The following ATL1 variants were observed in gnomAD, a reference collection of about 807,000 sequenced individuals.
ATL1 encodes the protein atlastin-1.
A neutral mutation model predicts 75.5 loss-of-function variants in ATL1; 31 were observed. The observed-to-expected ratio is 0.41, with a 90% CI of 0.31 to 0.55. The LOEUF (loss-of-function observed/expected upper bound fraction) is 0.55, where lower values mean the gene tolerates loss of function less well. Ranked by LOEUF, ATL1 falls within the 20% of genes least tolerant of loss-of-function variation. The pLI is 0.27. For missense variants in ATL1, 405 were observed against 662.6 expected, an observed-to-expected ratio of 0.61 and a Z score of 4.27; for synonymous variants, 226 against 233.3, an observed-to-expected ratio of 0.97 and a Z score of 0.28.
At position 50,620,663 on chromosome 14, in the gene ATL1, C is replaced by T. The variant is rs2039459083; in HGVS notation, c.927C>T (p.Ser309=). The T allele has an allele frequency of 1.9e-6, 3 of 1,613,432 alleles. No individual in the cohort carries two copies. The highest frequency in any genetic ancestry group is 1.3e-5 in the African/African-American group (1 of 74,836). ...TTCCTTGGCTACTTAGTCCCGAGAG[C>T]CTAGATATTAAAGAGATCAATGGGA... ...ILIPWLLSPE[S]LDIKEINGNK... is the part of the protein sequence containing the mutation. The change falls in exon 9 of 14, where the codon AGC becomes AGT. Residue 309 remains serine, a synonymous_variant. Coordinates refer to ENST00000358385, the MANE Select transcript of ATL1 (RefSeq NM_015915.5).
chr14:50,621,785 A>T, intron 9 of ATL1, 58 bp from the exon 10 acceptor site: 5 of 1,075,914 alleles, frequency 4.6e-6, no homozygotes, highest in Non-Finnish European at 7.1e-6. Flanking sequence ...AATTTCATAG[A>T]ATTAGAGGAA....
At chr14:50,620,849 G>C (rs1482248512) in intron 9 of ATL1, 123 bp downstream of exon 9, 1 of 1,206,140 alleles carries the variant, frequency 8.3e-7, no homozygotes, top group Non-Finnish European at 1.2e-6. Flanking sequence ...TCTATAAAAA[G>C]GATTTTAAAA....
chr14:50,605,439 C>T (rs1428421014), intron 6 of ATL1, among the ~76,000 whole-genome samples: 1 of 151,842 alleles, frequency 6.6e-6, no homozygotes, highest in Middle Eastern at 3.2e-3. Context: ...TCTCATTCAA[C>T]CTTTTTATTC....
At chr14:50,627,713 T>C (rs1006914032) in intron 11 of ATL1, among the ~76,000 whole-genome samples, 1 of 152,242 alleles carries the variant, frequency 6.6e-6, no homozygotes, top group African/African-American at 2.4e-5. Flanking sequence ...ATTCATTCTG[T>C]GAATGAACTC....
intron 1 of ATL1, among the ~76,000 whole-genome samples, chr14:50,573,318 A>G (rs1217437120): frequency 6.6e-6 from 1 of 152,194 alleles, no homozygotes; most frequent in Non-Finnish European, 1.5e-5. Flanking sequence ...GTATCGCACC[A>G]CTTTCTATGG....
At chr14:50,561,346 A>T (rs2038842675) in intron 1 of ATL1, among the ~76,000 whole-genome samples, 1 of 152,214 alleles carries the variant, frequency 6.6e-6, no homozygotes, top group South Asian at 2.1e-4. Flanking sequence ...TTATTATCTG[A>T]ACCAGAGAAT....
At chr14:50,592,861 C>T (rs113873981) in intron 4 of ATL1, among the ~76,000 whole-genome samples, 4,641 of 142,638 alleles carry the variant, frequency 0.033, 231 homozygotes, top group African/African-American at 0.11. Context: ...TGCAGTGAGC[C>T]GAGATTGCGC....
At chr14:50,588,107 C>G (rs750050049) in intron 2 of ATL1, 29 bp downstream of exon 2, 8 of 1,613,496 alleles carry the variant, frequency 5.0e-6, no homozygotes, top group Non-Finnish European at 6.8e-6. Context: ...AAAAAGTTTT[C>G]TTTCTTCTGT....
intron 1 of ATL1, among the ~76,000 whole-genome samples, chr14:50,586,763 T>A (rs1375783761): frequency 6.6e-6 from 1 of 152,140 alleles, no homozygotes; most frequent in Non-Finnish European, 1.5e-5. Flanking sequence ...ACTCTTGCAA[T>A]CTAATCCCAG....
chr14:50,573,366 T>C (rs1405316631), intron 1 of ATL1, among the ~76,000 whole-genome samples: 1 of 152,206 alleles, frequency 6.6e-6, no homozygotes. Flanking sequence ...TCCAATATGG[T>C]AGCCATTAGT....
intron 1 of ATL1, among the ~76,000 whole-genome samples, chr14:50,537,984 T>C (rs1173139003): frequency 2.0e-5 from 3 of 152,086 alleles, no homozygotes; most frequent in African/African-American, 7.2e-5. Flanking sequence ...GAAGGCATGA[T>C]TGGTTTTGAA....
chr14:50,564,361 C>T (rs540708115), intron 1 of ATL1, among the ~76,000 whole-genome samples: 7 of 152,068 alleles, frequency 4.6e-5, no homozygotes, highest in South Asian at 2.1e-4. Context: ...AAATAGTATT[C>T]GCACTAGGCT....
chr14:50,546,814 A>C (rs1405403471), intron 1 of ATL1, among the ~76,000 whole-genome samples: 6 of 135,308 alleles, frequency 4.4e-5, no homozygotes, highest in Non-Finnish European at 4.7e-5. Context: ...CTGAATTATC[A>C]GCAAAATGCC....
chr14:50,582,693 T>C (rs1293888052), intron 1 of ATL1, among the ~76,000 whole-genome samples: 3 of 152,062 alleles, frequency 2.0e-5, no homozygotes, highest in Middle Eastern at 3.4e-3. Flanking sequence ...CCCAAAGTGC[T>C]GGGATTACAA....
chr14:50,579,478 A>G (rs2039036969), intron 1 of ATL1, among the ~76,000 whole-genome samples: 1 of 152,104 alleles, frequency 6.6e-6, no homozygotes, highest in African/African-American at 2.4e-5. Context: ...GCCTTTCCAT[A>G]CAAGCTTATT....
At position 50,540,864 on chromosome 14, in the gene ATL1, G is replaced by A. The variant is rs1367291954; in HGVS notation, c.-140+7497G>A. The stretch of plus-strand genomic sequence containing the variant: ...ATACCAAGATTAAATTTGATCTCCA[G>A]GGAAATTACAGAGATTAGTGCCACC... On this transcript the variant is annotated intron_variant, in intron 1 of 13. Transcript: ENST00000441560. 2.0e-5 allele frequency among the ~76,000 whole-genome samples: 3 copies of A among 152,156 alleles called. No individual in the cohort carries two copies. The East Asian group carries it at 5.8e-4, about 29-fold the overall frequency.
chr14:50,566,471 C>A (rs1369720609), intron 1 of ATL1, among the ~76,000 whole-genome samples: 1 of 152,070 alleles, frequency 6.6e-6, no homozygotes, highest in Non-Finnish European at 1.5e-5. Context: ...CTAGAGTGTG[C>A]ATTTTTCCAC....
intron 1 of ATL1, among the ~76,000 whole-genome samples, chr14:50,568,770 ACT>A (rs1054924015): frequency 6.6e-5 from 10 of 150,918 alleles, no homozygotes; most frequent in African/African-American, 2.4e-4. Context: ...ACTGCGCATT[ACT>A]CTCTGTTGTG....
At chr14:50,546,130 CTG>C (rs1183870634) in intron 1 of ATL1, among the ~76,000 whole-genome samples, 1 of 151,692 alleles carries the variant, frequency 6.6e-6, no homozygotes, top group Non-Finnish European at 1.5e-5. Flanking sequence ...TCATTTGAAA[CTG>C]AAGAAAAAAA....
Sources: gnomAD v4.1 joint callset for allele counts (sites outside exome capture counted in the v4.1 genomes callset) on GRCh38, gnomAD v4.1.1 for gene constraint, MANE v1.5 for transcripts, NCBI Gene and HGNC (gene_info 2026-07-23, HGNC 2026-07-21) for gene names.